The following THOC7 variants were observed in gnomAD, a reference collection of about 807,000 sequenced individuals.
THOC7 encodes the protein THO complex subunit 7.
Under a neutral mutation model 33.1 loss-of-function variants are expected in THOC7, and 22 were observed. The ratio of observed to expected loss-of-function variants is 0.66; its 90% confidence interval spans 0.47 to 0.95. The LOEUF is 0.95. Ranked by LOEUF, THOC7 falls within the 40% of genes least tolerant of loss-of-function variation. THOC7 has a pLI of 0.00. For missense variants in THOC7, 184 were observed against 245.3 expected, an observed-to-expected ratio of 0.75 and a Z score of 1.67; for synonymous variants, 77 against 76.8, an observed-to-expected ratio of 1.00 and a Z score of -0.01.
chr3:63,863,496 C>G (rs142023103), intron 1 of THOC7: 15,062 of 1,179,674 alleles, frequency 0.013, 162 homozygotes, highest in African/African-American at 0.058. Flanking sequence ...ACCACGCTCC[C>G]GGCACACCCT....
chr3:63,841,063 A>C (rs1369556368), intron 1 of THOC7, among the ~76,000 whole-genome samples: 2 of 152,228 alleles, frequency 1.3e-5, no homozygotes, highest in African/African-American at 4.8e-5. Context: ...TGAAACATTC[A>C]CATAATGTAA....
chr3:63,847,631 G>A (rs1232677615), intron 1 of THOC7, among the ~76,000 whole-genome samples: 2 of 152,198 alleles, frequency 1.3e-5, no homozygotes, highest in African/African-American at 4.8e-5. Context: ...CAGCTACTCA[G>A]GAGGCTGAGG....
chr3:63,859,630 A>C (rs1285019580), intron 1 of THOC7, among the ~76,000 whole-genome samples: 1 of 152,172 alleles, frequency 6.6e-6, no homozygotes, highest in Non-Finnish European at 1.5e-5. Context: ...TCCTTTTCAG[A>C]AATTATCTTA....
chr3:63,854,844 T>TAAA (rs34840218), intron 1 of THOC7: 2 of 151,822 alleles, frequency 1.3e-5, no homozygotes, highest in African/African-American at 4.8e-5. Flanking sequence ...CCGTCTCTAC[T>TAAA]AAAAATACAA....
chr3:63,864,195 G>GA, upstream of THOC7, among the ~76,000 whole-genome samples: 1 of 150,116 alleles, frequency 6.7e-6, no homozygotes, highest in Non-Finnish European at 1.5e-5. Flanking sequence ...CTGCGGGGGT[G>GA]CGGCGGGAGC....
intron 1 of THOC7, among the ~76,000 whole-genome samples, chr3:63,856,579 G>C (rs969461762): frequency 6.6e-6 from 1 of 152,136 alleles, no homozygotes; most frequent in South Asian, 2.1e-4. Context: ...ATACAGACCA[G>C]TGTGTAAATG....
chr3:63,834,122 A>G lies in THOC7; in HGVS notation c.*10T>C. ...TCAATATTCCTGGGAGTGGTGGGCA[A>G]TTAGCCTGTCTATGGCTTAGGATCT... is the stretch of plus-strand genomic sequence containing the variant. On this transcript the variant is annotated 3_prime_UTR_variant, in exon 8 of 8. Transcript: ENST00000295899. The G allele has an allele frequency of 6.2e-7, 1 of 1,613,888 alleles. No individual in the cohort carries two copies. Among genetic ancestry groups the G allele is most frequent in the Non-Finnish European group, 8.5e-7 (1 of 1,179,906 alleles).
chr3:63,838,611 T>C (rs1025998777), intron 2 of THOC7, 112 bp from the exon 3 acceptor site: 1 of 1,061,492 alleles, frequency 9.4e-7, no homozygotes, highest in East Asian at 2.8e-5. Flanking sequence ...TCTGAGAGAA[T>C]CATTTGCTTA....
intron 1 of THOC7, among the ~76,000 whole-genome samples, chr3:63,850,076 C>G (rs1701988595): frequency 6.6e-6 from 1 of 152,210 alleles, no homozygotes; most frequent in Admixed American, 6.5e-5. Flanking sequence ...GACTCCCCAT[C>G]ATAAGAAGAC....
At chr3:63,851,933 C>T (rs1370982486) in intron 1 of THOC7, among the ~76,000 whole-genome samples, 1 of 152,150 alleles carries the variant, frequency 6.6e-6, no homozygotes, top group East Asian at 1.9e-4. Flanking sequence ...CAGACCCAGG[C>T]CCAGAACTAT....
chr3:63,863,368 C>T (rs918181808), intron 1 of THOC7: 3 of 892,254 alleles, frequency 3.4e-6, no homozygotes, highest in African/African-American at 1.8e-5. Context: ...ACTGTCCACC[C>T]TTCGCGGCTC....
intron 1 of THOC7, among the ~76,000 whole-genome samples, chr3:63,855,018 A>AG (rs1702088827): frequency 6.6e-6 from 1 of 152,102 alleles, no homozygotes; most frequent in African/African-American, 2.4e-5. Context: ...AAAAAAAAAA[A>AG]AAAGAAAGAA....
chr3:63,849,437 G>A (rs992387837), intron 1 of THOC7, among the ~76,000 whole-genome samples: 1 of 152,126 alleles, frequency 6.6e-6, no homozygotes, highest in African/African-American at 2.4e-5. Context: ...TATAGTGAAT[G>A]AGTAAAGGTT....
chr3:63,835,053 G>A (rs1456709688), intron 7 of THOC7, 101 bp downstream of exon 7: 1 of 1,148,144 alleles, frequency 8.7e-7, no homozygotes, highest in Admixed American at 2.4e-5. Flanking sequence ...TTCAGAAATT[G>A]AAGGTATACT....
At chr3:63,853,723 G>A (rs1050545586) in intron 1 of THOC7, among the ~76,000 whole-genome samples, 46 of 151,996 alleles carry the variant, frequency 3.0e-4, no homozygotes, top group African/African-American at 9.2e-4. Flanking sequence ...CCTGGCTAAC[G>A]CGGTGAAACC....
chr3:63,855,392 A>G (rs1702096271), intron 1 of THOC7, among the ~76,000 whole-genome samples: 1 of 152,206 alleles, frequency 6.6e-6, no homozygotes, highest in Non-Finnish European at 1.5e-5. Context: ...AGAAATATAA[A>G]ATTATTCAAG....
chr3:63,852,318 CA>C (rs1206134233), intron 1 of THOC7, among the ~76,000 whole-genome samples: 4 of 152,020 alleles, frequency 2.6e-5, no homozygotes, highest in Non-Finnish European at 5.9e-5. Flanking sequence ...GAAGGATATA[CA>C]AAAAACTAAT....
At chr3:63,863,363 C>T (rs1339364815) in intron 1 of THOC7, 2 of 848,026 alleles carry the variant, frequency 2.4e-6, no homozygotes, top group East Asian at 9.3e-5. Context: ...GCACCACTGT[C>T]CACCCTTCGC....
At position 63,834,157 on chromosome 3, in the gene THOC7, C is replaced by A; in HGVS notation, c.590G>T (p.Ser197Ile). 3 of 1,614,060 alleles carry A rather than the reference C, an allele frequency of 1.9e-6. No homozygotes were observed. Among genetic ancestry groups the A allele is most frequent in the Non-Finnish European group, 2.5e-6 (3 of 1,180,012 alleles). ...CTATGGCTTAGGATCTGTTTCCATG[C>A]TTGCTTCCTGAGCTTCTTCTACCTC... Reference protein sequence around the residue: ...LSEVEEAQEASMETDPKP With the variant: ...LSEVEEAQEAIMETDPKP The change falls in exon 8 of 8, where the codon AGC (serine) becomes ATC (isoleucine). Residue 197 changes from serine to isoleucine, a missense_variant. Transcript: ENST00000295899.
Sources: gnomAD v4.1 joint callset for allele counts (sites outside exome capture counted in the v4.1 genomes callset) on GRCh38, gnomAD v4.1.1 for gene constraint, MANE v1.5 for transcripts, NCBI Gene and HGNC (gene_info 2026-07-23, HGNC 2026-07-21) for gene names.